Variants in TBC1D19 observed in about 807,000 individuals in gnomAD.
TBC1D19 encodes the protein TBC1 domain family, member 19.
In TBC1D19, 60 loss-of-function variants were observed where a neutral mutation model predicts 89.0. That is an observed-to-expected ratio of 0.67 (90% CI 0.55 to 0.84). TBC1D19 has a LOEUF of 0.84. Ranked by LOEUF, TBC1D19 falls within the 40% of genes least tolerant of loss-of-function variation. TBC1D19 has a pLI of 0.00. For missense variants in TBC1D19, 500 were observed against 610.8 expected (o/e 0.82, Z 1.91); for synonymous variants, 189 against 199.7 (o/e 0.95, Z 0.45).
At chr4:26,651,021 G>A (rs1439317438) in intron 7 of TBC1D19, among the ~76,000 whole-genome samples, 1 of 152,164 alleles carries the variant, frequency 6.6e-6, no homozygotes, top group Non-Finnish European at 1.5e-5. Context: ...AGATCAGATA[G>A]TTGTAGATAT....
intron 9 of TBC1D19, among the ~76,000 whole-genome samples, chr4:26,668,635 T>C (rs1355805904): frequency 2.0e-5 from 3 of 152,002 alleles, no homozygotes; most frequent in African/African-American, 4.8e-5. Flanking sequence ...TTTTAGTCTG[T>C]GTCTTTCACT....
At chr4:26,719,859 G>A (rs778788037) in intron 14 of TBC1D19, among the ~76,000 whole-genome samples, 1 of 152,020 alleles carries the variant, frequency 6.6e-6, no homozygotes, top group Non-Finnish European at 1.5e-5. Flanking sequence ...GTTTTGTGTC[G>A]CTTCTGTTGT....
intron 18 of TBC1D19, 111 bp downstream of exon 18, chr4:26,742,710 A>C: frequency 3.0e-6 from 2 of 672,130 alleles, no homozygotes; most frequent in South Asian, 3.2e-5. Flanking sequence ...TTAAGCTAAC[A>C]GTTTTCCTAA....
At chr4:26,743,763 T>C (rs1718499989) in intron 18 of TBC1D19, among the ~76,000 whole-genome samples, 1 of 151,870 alleles carries the variant, frequency 6.6e-6, no homozygotes, top group Admixed American at 6.6e-5. Flanking sequence ...ATATTTTATA[T>C]TGAGCATAAG....
At chr4:26,717,896 T>G in intron 13 of TBC1D19, 37 bp from the exon 14 acceptor site, 1 of 1,509,572 alleles carries the variant, frequency 6.6e-7, no homozygotes, top group South Asian at 1.1e-5. Context: ...TTTATAATAG[T>G]GCTTAATTGC....
chr4:26,704,553 T>C (rs1715585522), intron 13 of TBC1D19, among the ~76,000 whole-genome samples: 1 of 152,136 alleles, frequency 6.6e-6, no homozygotes, highest in South Asian at 2.1e-4. Context: ...TATTCTTTGT[T>C]CATGTATCTA....
chr4:26,704,337 T>G (rs534930691), intron 13 of TBC1D19, among the ~76,000 whole-genome samples: 12 of 152,282 alleles, frequency 7.9e-5, no homozygotes, highest in Admixed American at 4.6e-4. Flanking sequence ...TTGTCCAAAG[T>G]ATATAAGATA....
At chr4:26,590,456 A>G (rs983531230) in intron 1 of TBC1D19, among the ~76,000 whole-genome samples, 2 of 152,226 alleles carry the variant, frequency 1.3e-5, no homozygotes, top group Admixed American at 6.5e-5. Flanking sequence ...TGCTGGCCTC[A>G]TAAAATGAGT....
the TBC1D19 span, among the ~76,000 whole-genome samples, chr4:26,773,464 G>A: frequency 1.3e-5 from 2 of 152,154 alleles, no homozygotes; most frequent in African/African-American, 2.4e-5. Context: ...AAGGCTTTTA[G>A]TTTAATTAGA....
intron 7 of TBC1D19, among the ~76,000 whole-genome samples, chr4:26,650,875 C>G (rs545396674): frequency 5.9e-5 from 9 of 152,276 alleles, no homozygotes; most frequent in Non-Finnish European, 1.2e-4. Context: ...TATAATCCAT[C>G]TTGAATTAAT....
At chr4:26,692,153 G>T (rs1714346762) in intron 13 of TBC1D19, among the ~76,000 whole-genome samples, 2 of 152,124 alleles carry the variant, frequency 1.3e-5, no homozygotes, top group African/African-American at 4.8e-5. Flanking sequence ...GTGTGGCCAG[G>T]AAGATGGGGC....
the TBC1D19 span, among the ~76,000 whole-genome samples, chr4:26,846,072 C>T: frequency 9.6e-3 from 1,466 of 152,274 alleles, 31 homozygotes; most frequent in African/African-American, 0.034. Context: ...CATGTTGTAG[C>T]ATGTATCAGA....
intron 7 of TBC1D19, among the ~76,000 whole-genome samples, chr4:26,656,202 T>C (rs116423147): frequency 0.019 from 2,961 of 152,258 alleles, 104 homozygotes; most frequent in African/African-American, 0.067. Context: ...CTTTTATTCT[T>C]ACTATATGTG....
chr4:26,768,712 C>T, the TBC1D19 span, among the ~76,000 whole-genome samples: 1 of 151,892 alleles, frequency 6.6e-6, no homozygotes, highest in South Asian at 2.1e-4. Flanking sequence ...GCAGATTAGA[C>T]AATTTAGAAG....
chr4:26,795,588 T>C, the TBC1D19 span, among the ~76,000 whole-genome samples: 1 of 152,300 alleles, frequency 6.6e-6, no homozygotes, highest in East Asian at 1.9e-4. Flanking sequence ...TTTATTCTCC[T>C]CCACCATGAT....
chr4:26,730,713 A>T (rs1178938040), intron 15 of TBC1D19, among the ~76,000 whole-genome samples: 1 of 152,104 alleles, frequency 6.6e-6, no homozygotes. Flanking sequence ...TTACGGCTCC[A>T]CTTCACACCT....
intron 15 of TBC1D19, among the ~76,000 whole-genome samples, chr4:26,729,340 GTA>G (rs1162350231): frequency 1.3e-5 from 2 of 152,192 alleles, no homozygotes; most frequent in Non-Finnish European, 2.9e-5. Context: ...CTGCAAAGAT[GTA>G]TATCATCAAC....
At chr4:26,643,382 G>C (rs188920530) in intron 7 of TBC1D19, among the ~76,000 whole-genome samples, 1 of 152,266 alleles carries the variant, frequency 6.6e-6, no homozygotes, top group East Asian at 1.9e-4. Context: ...AAACCAATGA[G>C]AACAAAGAGA....
At chr4:26,806,074 C>T in the TBC1D19 span, among the ~76,000 whole-genome samples, 2 of 152,194 alleles carry the variant, frequency 1.3e-5, no homozygotes, top group African/African-American at 2.4e-5. Flanking sequence ...GCACTGGCTC[C>T]AGCCACAGGT....
Sources: gnomAD v4.1 joint callset for allele counts (sites outside exome capture counted in the v4.1 genomes callset) on GRCh38, gnomAD v4.1.1 for gene constraint, MANE v1.5 for transcripts, NCBI Gene and HGNC (gene_info 2026-07-23, HGNC 2026-07-21) for gene names.